Variants in KLHL29 observed in about 807,000 individuals in gnomAD.
KLHL29 encodes kelch like family member 29, also known as kelch-like protein 29.
A neutral mutation model predicts 80.4 loss-of-function variants in KLHL29; 21 were observed. That is an observed-to-expected ratio of 0.26 (90% CI 0.19 to 0.38). The LOEUF (loss-of-function observed/expected upper bound fraction) is 0.38. Among genes scored for constraint, KLHL29 ranks in the 10% least tolerant of loss-of-function variants. KLHL29 has a pLI of 1.00. For missense variants in KLHL29, 867 were observed against 1,223.9 expected (o/e 0.71, Z 4.35); for synonymous variants, 511 against 526.8 (o/e 0.97, Z 0.41).
In KLHL29 at chr2:23,467,156, A is replaced by G. The variant is rs115528014; in HGVS notation, c.-153-8404A>G. ...ATTCGTGCCAGGCTGTGGCTCCATG[A>G]TGGGTACCTCCGTGCTGACTGCTGC... On this transcript the variant is annotated intron_variant, in intron 1 of 13. Transcript: ENST00000486442. Among the ~76,000 whole-genome samples, 688 of 152,286 alleles carry G rather than the reference A, an allele frequency of 4.5e-3. 7 individuals carry two copies. The highest frequency in any genetic ancestry group is 0.016 in the African/African-American group (647 of 41,548).
At chr2:23,679,619 T>TATAGATATAGATATAGATATAG (rs1553354733) in intron 5 of KLHL29, among the ~76,000 whole-genome samples, 48 of 151,498 alleles carry the variant, frequency 3.2e-4, no homozygotes, top group South Asian at 8.4e-4. Context: ...CAGATATATA[T>TATAGATATAGATATAGATATAG]ATATGTATGC....
chr2:23,543,873 GCTGGGGGAA>G (rs1666914373), intron 2 of KLHL29, among the ~76,000 whole-genome samples: 1 of 152,142 alleles, frequency 6.6e-6, no homozygotes. Flanking sequence ...GATGCTTGGG[GCTGGGGGAA>G]CTGGCAAGCC....
chr2:23,652,643 G>A (rs182054131), intron 5 of KLHL29, among the ~76,000 whole-genome samples: 185 of 152,314 alleles, frequency 1.2e-3, no homozygotes, highest in African/African-American at 4.0e-3. Flanking sequence ...CCAGGGAGAC[G>A]GACTGTCACC....
chr2:23,529,092 T>C (rs889457831), intron 2 of KLHL29, among the ~76,000 whole-genome samples: 6 of 152,252 alleles, frequency 3.9e-5, no homozygotes, highest in African/African-American at 1.4e-4. Flanking sequence ...TATATAGTAC[T>C]GGCTGAAAAG....
chr2:23,499,418 G>A (rs1665366239), intron 2 of KLHL29, among the ~76,000 whole-genome samples: 1 of 152,206 alleles, frequency 6.6e-6, no homozygotes. Context: ...TTCTGTGGGT[G>A]TGAGGCAGGA....
At chr2:23,436,413 C>G (rs1663345046) in intron 1 of KLHL29, among the ~76,000 whole-genome samples, 1 of 151,688 alleles carries the variant, frequency 6.6e-6, no homozygotes, top group Non-Finnish European at 1.5e-5. Context: ...TTTTTTCTCC[C>G]TCAAAATATG....
At chr2:23,430,164 C>T (rs1490049727) in intron 1 of KLHL29, among the ~76,000 whole-genome samples, 1 of 152,182 alleles carries the variant, frequency 6.6e-6, no homozygotes, top group Non-Finnish European at 1.5e-5. Context: ...CTTGTTAAAC[C>T]TATTCCTGGG....
At chr2:23,517,130 C>T (rs1444538288) in intron 2 of KLHL29, among the ~76,000 whole-genome samples, 2 of 152,204 alleles carry the variant, frequency 1.3e-5, no homozygotes, top group African/African-American at 2.4e-5. Context: ...CCGCTGTGGA[C>T]GTGGAAGGCA....
chr2:23,664,742 G>T (rs1244353593), intron 5 of KLHL29, among the ~76,000 whole-genome samples: 3 of 152,354 alleles, frequency 2.0e-5, no homozygotes, highest in African/African-American at 7.2e-5. Flanking sequence ...GTGGGTGAGG[G>T]CCAGTCCTTC....
chr2:23,509,908 A>G (rs1005154410), intron 2 of KLHL29, among the ~76,000 whole-genome samples: 2 of 152,180 alleles, frequency 1.3e-5, no homozygotes, highest in Admixed American at 1.3e-4. Context: ...TTATCAGTGT[A>G]TTGTGGCGAG....
chr2:23,602,231 C>T (rs185709248), intron 3 of KLHL29, among the ~76,000 whole-genome samples: 12 of 152,296 alleles, frequency 7.9e-5, no homozygotes, highest in Admixed American at 3.3e-4. Flanking sequence ...CAAGACATGA[C>T]GTCGTTCCTG....
At chr2:23,534,677 G>C (rs1179339271) in intron 2 of KLHL29, among the ~76,000 whole-genome samples, 1 of 152,176 alleles carries the variant, frequency 6.6e-6, no homozygotes, top group Non-Finnish European at 1.5e-5. Context: ...ATGGCACAGA[G>C]GCTCATAGAG....
intron 3 of KLHL29, among the ~76,000 whole-genome samples, chr2:23,564,060 C>T (rs776345912): frequency 6.6e-6 from 1 of 152,246 alleles, no homozygotes; most frequent in Non-Finnish European, 1.5e-5. Context: ...AGAATGGCAG[C>T]CGCTGGAACC....
intron 2 of KLHL29, among the ~76,000 whole-genome samples, chr2:23,507,874 G>A (rs1665649250): frequency 6.6e-6 from 1 of 152,180 alleles, no homozygotes; most frequent in African/African-American, 2.4e-5. Context: ...ATCTTCCATG[G>A]CTCTATAGTT....
Position 23,684,260 on chromosome 2 carries a change from T to A in KLHL29, c.941-139T>A, listed in dbSNP as rs1671174427. ...TGTGACTTCTTTTGACTGTCAGTGT[T>A]GAGCCAGTCTTGCCAAGAAACAATA... On this transcript the variant is annotated intron_variant, in intron 5 of 13. Coordinates refer to ENST00000486442, the MANE Select transcript of KLHL29 (RefSeq NM_052920.2). This position sits in a 1 kb window ranked among gnomAD's most constrained non-coding sequence, Gnocchi z 4.4. 1 of 576,638 alleles carries A rather than the reference T, an allele frequency of 1.7e-6. No individual in the cohort carries two copies. Among genetic ancestry groups the A allele is most frequent in the Non-Finnish European group, 2.7e-6 (1 of 373,002 alleles). 35.7% of individuals were successfully genotyped at this position (576,638 alleles called of 1,614,324 possible). A position where few individuals can be genotyped will look rare whatever the true frequency, so the allele number is the denominator to read the frequency against.
At chr2:23,401,909 G>A (rs994162578) in intron 1 of KLHL29, among the ~76,000 whole-genome samples, 8 of 152,354 alleles carry the variant, frequency 5.3e-5, no homozygotes, top group Non-Finnish European at 8.8e-5. Flanking sequence ...CTGCTTCAGG[G>A]CTGCGTGGGA....
chr2:23,693,597 A>G (rs986590775), intron 8 of KLHL29, 69 bp downstream of exon 8: 1 of 1,463,752 alleles, frequency 6.8e-7, no homozygotes, highest in Non-Finnish European at 9.3e-7. Context: ...TGGGGTCTGC[A>G]GCAAGGAGGA....
At chr2:23,556,483 A>T (rs1405546398) in intron 2 of KLHL29, among the ~76,000 whole-genome samples, 8 of 151,812 alleles carry the variant, frequency 5.3e-5, no homozygotes, top group African/African-American at 1.9e-4. Context: ...TACCAAAAAA[A>T]AAACAAAAAA....
At chr2:23,599,286 G>A (rs1020457925) in intron 3 of KLHL29, among the ~76,000 whole-genome samples, 5 of 152,064 alleles carry the variant, frequency 3.3e-5, no homozygotes, top group Non-Finnish European at 5.9e-5. Flanking sequence ...TTATCAAGTA[G>A]GGAAAGTAAA....
Sources: gnomAD v4.1 joint callset for allele counts (sites outside exome capture counted in the v4.1 genomes callset) on GRCh38, gnomAD v4.1.1 for gene constraint, Gnocchi (gnomAD v3.1) non-coding constraint, MANE v1.5 for transcripts, NCBI Gene and HGNC (gene_info 2026-07-23, HGNC 2026-07-21) for gene names.